Variants in EXOC4 observed in about 807,000 individuals in gnomAD.
EXOC4 encodes the protein SEC8-like 1.
EXOC4 carries 71 observed loss-of-function variants against 107.2 expected under a neutral mutation model. The observed-to-expected ratio is 0.66, with a 90% CI of 0.55 to 0.81. EXOC4 has a LOEUF of 0.81. EXOC4 is among the 30% of genes least tolerant of loss of function. The pLI, the probability that EXOC4 is intolerant of heterozygous loss-of-function variation, is 0.00. For missense variants in EXOC4, 1,108 were observed against 1,189.6 expected, an observed-to-expected ratio of 0.93 and a Z score of 1.01; for synonymous variants, 456 against 441.2, an observed-to-expected ratio of 1.03 and a Z score of -0.42.
the EXOC4 span, among the ~76,000 whole-genome samples, chr7:134,075,350 C>T: frequency 2.6e-5 from 4 of 152,106 alleles, no homozygotes; most frequent in Non-Finnish European, 5.9e-5. Flanking sequence ...TGTATTAGTC[C>T]GTTTTTACAC....
At chr7:133,823,863 ATATATATATTATATATATAT>A (rs1797604190) in intron 11 of EXOC4, among the ~76,000 whole-genome samples, 1 of 17,046 alleles carries the variant, frequency 5.9e-5, no homozygotes, top group Non-Finnish European at 8.8e-5. Flanking sequence ...ATATATATAT[ATATATATATTATATATATAT>A]ATATATATAT....
intron 11 of EXOC4, among the ~76,000 whole-genome samples, chr7:133,857,147 CGTATATATATATATATATAT>C (rs1418380481): frequency 2.1e-4 from 4 of 19,108 alleles, no homozygotes; most frequent in African/African-American, 9.1e-4. Context: ...TACACATACA[CGTATATATATATATATATAT>C]ATATATATAT....
At chr7:133,896,609 G>A (rs952185963) in intron 12 of EXOC4, among the ~76,000 whole-genome samples, 1 of 151,626 alleles carries the variant, frequency 6.6e-6, no homozygotes, top group African/African-American at 2.4e-5. Flanking sequence ...AAAGGCAGGG[G>A]TGGAGGAAGC....
intron 9 of EXOC4, among the ~76,000 whole-genome samples, chr7:133,603,484 A>T (rs1801856757): frequency 1.3e-5 from 2 of 152,196 alleles, no homozygotes; most frequent in Admixed American, 1.3e-4. Context: ...ATAGCCTACC[A>T]TACACCTAGG....
intron 10 of EXOC4, among the ~76,000 whole-genome samples, chr7:133,636,921 C>T (rs1014680161): frequency 1.3e-5 from 2 of 152,108 alleles, no homozygotes; most frequent in African/African-American, 4.8e-5. Flanking sequence ...ACAGTCAGAA[C>T]AAGTAGTTGT....
chr7:133,691,394 G>A (rs2430772), intron 10 of EXOC4, among the ~76,000 whole-genome samples: 150,226 of 152,308 alleles, frequency 0.99, 74,132 homozygotes, highest in Middle Eastern at 1. Context: ...CTGTTCCTGG[G>A]AATGGGATAG....
At chr7:133,465,816 A>G (rs773052724) in intron 7 of EXOC4, among the ~76,000 whole-genome samples, 19 of 152,150 alleles carry the variant, frequency 1.2e-4, no homozygotes, top group Non-Finnish European at 2.5e-4. Context: ...AAATAATCAT[A>G]TGTTTTCATC....
At chr7:134,090,845 A>G in the EXOC4 span, among the ~76,000 whole-genome samples, 5 of 152,092 alleles carry the variant, frequency 3.3e-5, no homozygotes, top group African/African-American at 1.2e-4. Flanking sequence ...TTAGCATCCC[A>G]TAGTGCCAAA....
At chr7:133,408,440 A>G (rs1057275630) in intron 7 of EXOC4, among the ~76,000 whole-genome samples, 1 of 148,578 alleles carries the variant, frequency 6.7e-6, no homozygotes, top group Non-Finnish European at 1.5e-5. Context: ...GTGGAGTGGG[A>G]TTGGTGATGG....
At chr7:133,775,268 G>A (rs1562992037) in intron 10 of EXOC4, among the ~76,000 whole-genome samples, 1 of 152,160 alleles carries the variant, frequency 6.6e-6, no homozygotes, top group Admixed American at 6.5e-5. Flanking sequence ...AAATCAACAT[G>A]CATGAAATGC....
intron 9 of EXOC4, among the ~76,000 whole-genome samples, chr7:133,521,387 C>T (rs1799976480): frequency 6.6e-6 from 1 of 152,084 alleles, no homozygotes; most frequent in East Asian, 1.9e-4. Context: ...CTTAAAAATA[C>T]GTTCTTTTAA....
chr7:134,023,902 G>A (rs533760961), intron 17 of EXOC4, among the ~76,000 whole-genome samples: 2 of 152,160 alleles, frequency 1.3e-5, no homozygotes, highest in African/African-American at 4.8e-5. Context: ...GAGGATTTTA[G>A]CACAGTCCCT....
At chr7:133,919,770 C>T (rs951338004) in intron 13 of EXOC4, among the ~76,000 whole-genome samples, 2 of 152,124 alleles carry the variant, frequency 1.3e-5, no homozygotes, top group Non-Finnish European at 2.9e-5. Flanking sequence ...AGGTGTACCA[C>T]TCTATTCACT....
intron 10 of EXOC4, among the ~76,000 whole-genome samples, chr7:133,715,464 T>C (rs1177817491): frequency 6.6e-6 from 1 of 151,592 alleles, no homozygotes; most frequent in East Asian, 1.9e-4. Context: ...ATTAAATCTT[T>C]CACATTTTCT....
At chr7:134,024,720 G>C (rs959939063) in intron 17 of EXOC4, among the ~76,000 whole-genome samples, 1 of 152,096 alleles carries the variant, frequency 6.6e-6, no homozygotes, top group African/African-American at 2.4e-5. Context: ...TTACTGTGTG[G>C]GGGACAACCT....
chr7:133,895,722 A>G lies in EXOC4; in HGVS notation c.1858A>G (p.Thr620Ala). The change falls in exon 12 of 18, where the codon ACT (threonine) becomes GCT (alanine). Residue 620 changes from threonine to alanine, a missense_variant. By Grantham distance (58) the Thr-to-Ala change is moderately conservative (BLOSUM62 0). Coordinates refer to ENST00000253861, the MANE Select transcript of EXOC4 (RefSeq NM_021807.4). The stretch of plus-strand genomic sequence containing the variant: ...GCTCCAGGAGTACAAGGACACCTGC[A>G]CTGCAGCTTACAGGTAGAGCTTCTG... Reference protein sequence around the residue: ...VKLQEYKDTCTAAYRGIVQSE... With the variant: ...VKLQEYKDTCAAAYRGIVQSE... The G allele has an allele frequency of 1.2e-6, 2 of 1,614,000 alleles. No homozygotes were observed. The highest frequency in any genetic ancestry group is 2.2e-5 in the South Asian group (2 of 91,036).
chr7:133,271,934 T>G (rs956285553), intron 1 of EXOC4, among the ~76,000 whole-genome samples: 2 of 151,976 alleles, frequency 1.3e-5, no homozygotes, highest in Non-Finnish European at 2.9e-5. Flanking sequence ...ATGCCCAGAG[T>G]TAAGTGATCT....
rs200551258 is a variant in EXOC4 at position 133,484,016 on chromosome 7, C to T, written c.1417+3878C>T. On this transcript the variant is annotated intron_variant, in intron 9 of 17. Transcript: ENST00000253861. ...TGCTTCCCAGTAATTTCGGTTCATA[C>T]GTCAACTTTTCCTTCCGTTGCAGGG... 19 of 1,613,834 alleles carry T rather than the reference C, an allele frequency of 1.2e-5. No homozygotes were observed. In the Admixed American group the frequency reaches 1.7e-4, roughly 14 times the overall value.
rs188827543 is a variant in EXOC4 at position 133,618,395 on chromosome 7, G to A, written c.1418-11650G>A. The stretch of plus-strand genomic sequence containing the variant: ...CTATTATTTTTTAATGAGGTTGGGA[G>A]TAAATTCCTAGAACTGAAATTTTGA... On this transcript the variant is annotated intron_variant, in intron 9 of 17. Transcript: ENST00000253861. Among the ~76,000 whole-genome samples the A allele has an allele frequency of 5.3e-5, 8 of 152,112 alleles. No individual in the cohort carries two copies. The East Asian group carries it at 1.5e-3, about 29-fold the overall frequency.
Sources: allele counts gnomAD v4.1 joint callset (sites outside exome capture counted in the v4.1 genomes callset), GRCh38; gene constraint gnomAD v4.1.1; transcripts MANE v1.5; gene names NCBI Gene and HGNC (gene_info 2026-07-23, HGNC 2026-07-21).